SH3BGRL: variants seen among roughly 807,000 people sequenced by gnomAD.
SH3BGRL encodes the protein adapter SH3BGRL.
SH3BGRL carries 7 observed loss-of-function variants against 9.8 expected under a neutral mutation model. The observed-to-expected ratio is 0.72, with a 90% CI of 0.41 to 1.35. The LOEUF is 1.35. Ranked by LOEUF, SH3BGRL falls within the 40% of genes most tolerant of loss-of-function variation. The pLI is 0.01. For synonymous variants in SH3BGRL, 36 were observed against 29.1 expected, an observed-to-expected ratio of 1.24 and a Z score of -0.76; for missense variants, 73 against 84.4, an observed-to-expected ratio of 0.86 and a Z score of 0.53.
chrX:81,296,945 A>G (rs2075877226), intron 3 of SH3BGRL, among the ~76,000 whole-genome samples: 1 of 112,130 alleles, frequency 8.9e-6, no homozygotes, highest in Non-Finnish European at 1.9e-5. Context: ...TATCAATTAT[A>G]ATTGTATATC....
At chrX:81,211,518 C>T (rs913182793) in intron 1 of SH3BGRL, among the ~76,000 whole-genome samples, 5 of 109,870 alleles carry the variant, frequency 4.6e-5, no homozygotes, top group East Asian at 2.9e-4. Context: ...ACCCGGGAGG[C>T]GGAGCTTGCA....
chrX:81,225,438 G>A (rs2147675815), intron 1 of SH3BGRL, among the ~76,000 whole-genome samples: 1 of 110,304 alleles, frequency 9.1e-6, no homozygotes, highest in African/African-American at 3.3e-5. Flanking sequence ...AGTCTCCATT[G>A]CCTATTATTT....
chrX:81,240,114 A>G (rs1350463380), intron 1 of SH3BGRL, among the ~76,000 whole-genome samples: 1 of 111,922 alleles, frequency 8.9e-6, no homozygotes, highest in African/African-American at 3.3e-5. Flanking sequence ...CACAGAAAAA[A>G]CACAGATTAT....
chrX:81,213,474 AT>A (rs1179032866), intron 1 of SH3BGRL, among the ~76,000 whole-genome samples: 9 of 112,452 alleles, frequency 8.0e-5, no homozygotes, highest in Non-Finnish European at 1.7e-4. Context: ...TAATAGCGTT[AT>A]GCATTTTTCC....
At chrX:81,272,738 A>T (rs924770065) in intron 1 of SH3BGRL, among the ~76,000 whole-genome samples, 3 of 110,296 alleles carry the variant, frequency 2.7e-5, no homozygotes, top group African/African-American at 9.9e-5. Context: ...TGACCTCGTT[A>T]TCCGCCCGCC....
intron 1 of SH3BGRL, among the ~76,000 whole-genome samples, chrX:81,244,169 CA>C (rs2075680950): frequency 9.0e-6 from 1 of 111,263 alleles, no homozygotes; most frequent in African/African-American, 3.3e-5. Flanking sequence ...CAAATCTTCA[CA>C]ACTCTTTAGG....
intron 1 of SH3BGRL, among the ~76,000 whole-genome samples, chrX:81,257,663 T>G (rs2075729400): frequency 8.9e-6 from 1 of 111,779 alleles, no homozygotes; most frequent in Non-Finnish European, 1.9e-5. Context: ...GAAAAAGTAT[T>G]TTATAACATA....
intron 1 of SH3BGRL, among the ~76,000 whole-genome samples, chrX:81,227,316 T>C (rs988932398): frequency 8.9e-6 from 1 of 112,378 alleles, no homozygotes; most frequent in Admixed American, 9.4e-5. Context: ...TCCAGATCCA[T>C]TGCTAAAGCG....
chrX:81,293,550 G>C (rs2075864814), intron 3 of SH3BGRL, among the ~76,000 whole-genome samples: 1 of 111,956 alleles, frequency 8.9e-6, no homozygotes. Context: ...GGGCATGGTG[G>C]CATGTGCCTG....
At chrX:81,229,919 C>T (rs749227579) in intron 1 of SH3BGRL, among the ~76,000 whole-genome samples, 1 of 111,793 alleles carries the variant, frequency 8.9e-6, no homozygotes, top group Non-Finnish European at 1.9e-5. Flanking sequence ...AGCCAGGGAC[C>T]ACAACCTTTC....
intron 3 of SH3BGRL, among the ~76,000 whole-genome samples, chrX:81,292,353 GAC>G (rs1167783416): frequency 1.8e-5 from 2 of 111,507 alleles, no homozygotes; most frequent in African/African-American, 6.5e-5. Flanking sequence ...GCAGTGGCCT[GAC>G]ACATATCTGG....
At chrX:81,279,591 C>T (rs1602625995) in intron 3 of SH3BGRL, among the ~76,000 whole-genome samples, 1 of 111,042 alleles carries the variant, frequency 9.0e-6, no homozygotes, top group Admixed American at 9.5e-5. Flanking sequence ...GGTCTGTTTG[C>T]GGGAGAAGTT....
chrX:81,273,941 A>C (rs1363295000), intron 1 of SH3BGRL, among the ~76,000 whole-genome samples: 1 of 111,651 alleles, frequency 9.0e-6, no homozygotes, highest in Non-Finnish European at 1.9e-5. Context: ...TGAATCTCAA[A>C]AATCTAACAT....
intron 1 of SH3BGRL, among the ~76,000 whole-genome samples, chrX:81,241,732 G>T (rs780776397): frequency 8.9e-6 from 1 of 112,288 alleles, no homozygotes; most frequent in South Asian, 3.7e-4. Flanking sequence ...CCGAGCCAGA[G>T]ATGTGACATC....
intron 1 of SH3BGRL, among the ~76,000 whole-genome samples, chrX:81,271,199 C>T (rs2075778206): frequency 8.9e-6 from 1 of 112,129 alleles, no homozygotes; most frequent in African/African-American, 3.2e-5. Flanking sequence ...ACCCCTTGCA[C>T]TTCCCCAGTG....
rs140532105 is a variant in SH3BGRL, at chrX:81,283,048, C to G, written c.312+4637C>G. On this transcript the variant is annotated intron_variant, in intron 3 of 3. Coordinates refer to ENST00000373212, the MANE Select transcript of SH3BGRL (RefSeq NM_003022.3). ...CAAGGCTAATATGAACACCTCTATGCGCATAAACTAGAAAACCTAGAAGAG... is the reference window on the plus strand; with the variant it reads ...CAAGGCTAATATGAACACCTCTATGGGCATAAACTAGAAAACCTAGAAGAG... Among the ~76,000 whole-genome samples the G allele has an allele frequency of 2.3e-3, 256 of 111,628 alleles. 1 individual carries two copies. Among genetic ancestry groups the G allele is most frequent in the African/African-American group, 7.9e-3 (243 of 30,756 alleles).
chrX:81,289,542 G>A (rs186159013), intron 3 of SH3BGRL, among the ~76,000 whole-genome samples: 31 of 109,736 alleles, frequency 2.8e-4, no homozygotes, highest in African/African-American at 6.6e-4. Flanking sequence ...GATCGGTAAC[G>A]AGCATATATG....
chrX:81,287,576 C>T (rs2075839167), intron 3 of SH3BGRL, among the ~76,000 whole-genome samples: 1 of 111,572 alleles, frequency 9.0e-6, no homozygotes, highest in African/African-American at 3.3e-5. Context: ...ACTGCATGTT[C>T]TCATTCCTAA....
At chrX:81,216,833 C>A (rs1031367878) in intron 1 of SH3BGRL, among the ~76,000 whole-genome samples, 2 of 111,455 alleles carry the variant, frequency 1.8e-5, no homozygotes, top group African/African-American at 3.3e-5. Context: ...TTTCTTTATC[C>A]ATTCATCTGT....
Sources: gnomAD v4.1 joint callset for allele counts (sites outside exome capture counted in the v4.1 genomes callset) on GRCh38, gnomAD v4.1.1 for gene constraint, MANE v1.5 for transcripts, NCBI Gene and HGNC (gene_info 2026-07-23, HGNC 2026-07-21) for gene names.